USP45: variants seen among roughly 807,000 people sequenced by gnomAD.
USP45 encodes ubiquitin specific peptidase 45, also known as ubiquitin carboxyl-terminal hydrolase 45.
Under a neutral mutation model 95.8 loss-of-function variants are expected in USP45, and 89 were observed. That is an observed-to-expected ratio of 0.93 (90% CI 0.78 to 1.11). USP45 has a LOEUF of 1.11. Ranked by LOEUF, USP45 falls within the 50% of genes least tolerant of loss-of-function variation. USP45 has a pLI of 0.00. For missense variants in USP45, 898 were observed against 942.5 expected (o/e 0.95, Z 0.62); for synonymous variants, 281 against 316.2 (o/e 0.89, Z 1.18).
intron 5 of USP45, among the ~76,000 whole-genome samples, chr6:99,496,139 C>G (rs61133624): frequency 1.3e-3 from 204 of 151,942 alleles, no homozygotes; most frequent in African/African-American, 4.9e-3. Flanking sequence ...AACTGTATTA[C>G]CTCTTAAAAA....
At chr6:99,509,461 A>C (rs994348985) in intron 2 of USP45, among the ~76,000 whole-genome samples, 2 of 152,148 alleles carry the variant, frequency 1.3e-5, no homozygotes, top group Admixed American at 6.5e-5. Flanking sequence ...AAATGGAAAA[A>C]ATATATTAAA....
At chr6:99,437,094 C>A (rs1372952177) in intron 17 of USP45, 152 bp downstream of exon 17, 1 of 762,106 alleles carries the variant, frequency 1.3e-6, no homozygotes, top group Non-Finnish European at 2.0e-6. Flanking sequence ...GAGACTCTGT[C>A]TCAATCAATC....
At chr6:99,464,270 C>T (rs1787324762) in intron 13 of USP45, among the ~76,000 whole-genome samples, 1 of 152,188 alleles carries the variant, frequency 6.6e-6, no homozygotes, top group Non-Finnish European at 1.5e-5. Flanking sequence ...TGCACCATTG[C>T]ACTCCAGCCT....
rs1026955184 is a variant in USP45 at position 99,488,145 on chromosome 6, G to A, written c.714+55C>T. 1.3e-5 allele frequency: 15 copies of A among 1,180,548 alleles called. No individual in the cohort carries two copies. In the African/African-American group the frequency reaches 2.1e-4, roughly 17 times the overall value. The allele number at this position is 1,180,548 out of a possible 1,614,324, so 73.1% of individuals were successfully genotyped here. A position where few individuals can be genotyped will look rare whatever the true frequency, so the allele number is the denominator to read the frequency against. ...TCTGCGAATTAGGAAAAGAGATTTTGGTAACATCAGTGGCTCATCTGAAAG... is the reference window on the plus strand; with the variant it reads ...TCTGCGAATTAGGAAAAGAGATTTTAGTAACATCAGTGGCTCATCTGAAAG... On this transcript the variant is annotated intron_variant, in intron 7 of 17. Transcript: ENST00000500704.
chr6:99,513,371 C>G (rs778475736), intron 1 of USP45, among the ~76,000 whole-genome samples: 2 of 152,306 alleles, frequency 1.3e-5, no homozygotes, highest in African/African-American at 2.4e-5. Context: ...AACTAACTTA[C>G]CAAAAACTGA....
In USP45 at chr6:99,508,747, T is replaced by C. The variant is rs780521953; in HGVS notation, c.136A>G (p.Ser46Gly). The change falls in exon 3 of 18, where the codon AGC (serine) becomes GGC (glycine). Residue 46 changes from serine (S) to glycine (G), a missense_variant. Transcript: ENST00000500704. ...ATTGCTCTCTTTACATGATTCACGC[T>C]GATAGCATGACTTACATGTTGGCAA... ...LTCQHVSHAISVNHVKRAIAE... is the reference protein window; with the variant it reads ...LTCQHVSHAIGVNHVKRAIAE... 6.2e-7 allele frequency: 1 copy of C among 1,613,064 alleles called. No homozygotes were observed. The highest frequency in any genetic ancestry group is 1.1e-5 in the South Asian group (1 of 90,772).
chr6:99,501,504 T>C (rs1181881264), intron 5 of USP45, among the ~76,000 whole-genome samples: 1 of 152,228 alleles, frequency 6.6e-6, no homozygotes, highest in Non-Finnish European at 1.5e-5. Context: ...GTGACTACTA[T>C]ATTATTAGCC....
At chr6:99,465,241 C>A in intron 11 of USP45, 105 bp from the exon 12 acceptor site, 3 of 836,536 alleles carry the variant, frequency 3.6e-6, no homozygotes, top group South Asian at 2.8e-5. Context: ...TAAAATTTTA[C>A]GTTAAAAACT....
At chr6:99,511,440 A>C (rs972850950) in intron 1 of USP45, among the ~76,000 whole-genome samples, 1 of 151,968 alleles carries the variant, frequency 6.6e-6, no homozygotes, top group African/African-American at 2.4e-5. Context: ...GGCGTGAGCC[A>C]CCGTGCCCGG....
chr6:99,453,516 G>A (rs1784371168), intron 13 of USP45, among the ~76,000 whole-genome samples: 1 of 151,978 alleles, frequency 6.6e-6, no homozygotes, highest in Non-Finnish European at 1.5e-5. Flanking sequence ...AGAAACTGAA[G>A]GAGACACAAA....
rs1424820965 is a variant in USP45 at position 99,503,787 on chromosome 6, T to A, written c.456A>T (p.Lys152Asn). 6.3e-7 allele frequency: 1 copy of A among 1,599,336 alleles called. No individual in the cohort carries two copies. The highest frequency in any genetic ancestry group is 8.5e-7 in the Non-Finnish European group (1 of 1,173,448). The stretch of plus-strand genomic sequence containing the variant: ...TACTTGTTTGTGTTTTAGAAGCATG[T>A]TTCTGGAGAAAATCAACTATCTGAG... Reference protein sequence around the residue: ...VLAQIVDFLQKHASKTQTSAF... With the variant: ...VLAQIVDFLQNHASKTQTSAF... The change falls in exon 5 of 18, where the codon AAA becomes AAT. Residue 152 changes from lysine (K) to asparagine (N), a missense_variant. Lys to Asn is a moderately conservative substitution (Grantham distance 94, BLOSUM62 0). Coordinates refer to ENST00000500704, the MANE Select transcript of USP45 (RefSeq NM_001346022.3).
intron 16 of USP45, among the ~76,000 whole-genome samples, chr6:99,438,109 T>C (rs1467793659): frequency 6.6e-6 from 1 of 152,214 alleles, no homozygotes; most frequent in Admixed American, 6.5e-5. Context: ...ATCTGTAATA[T>C]CAAAACACGA....
chr6:99,510,232 T>C lies in USP45; in HGVS notation c.-10-2A>G, dbSNP rs373127994. On this transcript the variant is annotated splice_acceptor_variant, in intron 1 of 17. Coordinates refer to ENST00000500704, the MANE Select transcript of USP45 (RefSeq NM_001346022.3). LOFTEE classifies it low-confidence loss of function (5UTR_SPLICE). ...TCTTTCACCCGCATCTGTTATTTAC[T>C]GAAGGGATTGAGGGAAAAAAATTCA... is the stretch of plus-strand genomic sequence containing the variant. 4.2e-5 allele frequency: 67 copies of C among 1,606,976 alleles called. No homozygotes were observed. The highest frequency in any genetic ancestry group is 5.6e-5 in the Non-Finnish European group (66 of 1,175,698).
At position 99,446,073 on chromosome 6, in the gene USP45, T is replaced by G. The variant is rs375665297; in HGVS notation, c.1699A>C (p.Thr567Pro). The G allele has an allele frequency of 6.2e-7, 1 of 1,613,956 alleles. No individual in the cohort carries two copies. Residue 567 changes from threonine to proline, a missense_variant, in exon 14 of 18, where the codon ACT becomes CCT. Physicochemically the swap from Thr to Pro is conservative, Grantham distance 38 (BLOSUM62 -1). Coordinates refer to ENST00000500704, the MANE Select transcript of USP45 (RefSeq NM_001346022.3). ...EAISELRLSS[T>P]VTGDQDFDRE... Reference sequence around the variant, plus strand: ...TCAAAATCTTGATCTCCAGTTACAGTGCTGCTCAAACGAAGTTCAGAAATA... The same window carrying G: ...TCAAAATCTTGATCTCCAGTTACAGGGCTGCTCAAACGAAGTTCAGAAATA...
chr6:99,516,105 A>C (rs765107852), upstream of USP45, among the ~76,000 whole-genome samples: 1 of 150,684 alleles, frequency 6.6e-6, no homozygotes, highest in Non-Finnish European at 1.5e-5. Context: ...CGCCCCCTGA[A>C]CTCTTAAAGT....
chr6:99,475,277 C>T (rs1790518573), intron 9 of USP45, among the ~76,000 whole-genome samples: 1 of 151,194 alleles, frequency 6.6e-6, no homozygotes, highest in Non-Finnish European at 1.5e-5. Flanking sequence ...CTATATCCCC[C>T]TATCGCCCAG....
intron 1 of USP45, among the ~76,000 whole-genome samples, chr6:99,514,159 A>G (rs886971309): frequency 4.6e-5 from 7 of 152,214 alleles, no homozygotes; most frequent in Non-Finnish European, 1.0e-4. Context: ...CATTTATTAC[A>G]CAATGCAGTA....
intron 14 of USP45, 125 bp from the exon 15 acceptor site, chr6:99,443,787 T>G: frequency 1.6e-6 from 1 of 624,212 alleles, no homozygotes. Context: ...GGACTTCTGA[T>G]GAAAGGACAG....
intron 7 of USP45, among the ~76,000 whole-genome samples, chr6:99,483,211 C>G (rs902629822): frequency 6.6e-6 from 1 of 151,916 alleles, no homozygotes; most frequent in Non-Finnish European, 1.5e-5. Context: ...TACCACTCCA[C>G]GAATAATCAT....
Sources: gnomAD v4.1 joint callset for allele counts (sites outside exome capture counted in the v4.1 genomes callset) on GRCh38, gnomAD v4.1.1 for gene constraint, MANE v1.5 for transcripts, NCBI Gene and HGNC (gene_info 2026-07-23, HGNC 2026-07-21) for gene names.